BTBD3: variants seen among roughly 807,000 people sequenced by gnomAD.
BTBD3 encodes BTB/POZ domain-containing protein 3.
A neutral mutation model predicts 41.6 loss-of-function variants in BTBD3; 14 were observed. That is an observed-to-expected ratio of 0.34 (90% confidence interval 0.22 to 0.53). BTBD3 has a LOEUF of 0.53. Among genes scored for constraint, BTBD3 ranks in the 20% least tolerant of loss-of-function variants. The probability of loss-of-function intolerance (pLI) is 0.95; values close to 1 mark genes in which losing one functional copy is unlikely to be tolerated. For missense variants in BTBD3, 426 were observed against 654.7 expected, an observed-to-expected ratio of 0.65 and a Z score of 3.81; for synonymous variants, 249 against 233.7, an observed-to-expected ratio of 1.07 and a Z score of -0.60.
chr20:11,918,214 C>CT lies in BTBD3; in HGVS notation c.-58dup. On this transcript the variant is annotated 5_prime_UTR_variant, in exon 1 of 4. Transcript: ENST00000378226. ...TTAACCTCTTAGCCCGGGCTAATCTCTTTTCCTTGATGTTCAAACCAATTT... is the reference window on the plus strand; with the variant it reads ...TTAACCTCTTAGCCCGGGCTAATCTCTTTTTCCTTGATGTTCAAACCAATTT... 6.6e-7 allele frequency: 1 copy of CT among 1,506,336 alleles called. No homozygotes were observed. The highest frequency in any genetic ancestry group is 8.8e-7 in the Non-Finnish European group (1 of 1,137,536). 93.3% of individuals were successfully genotyped at this position (1,506,336 alleles called of 1,614,324 possible).
upstream of BTBD3, among the ~76,000 whole-genome samples, chr20:11,915,469 G>C (rs926220569): frequency 4.6e-5 from 7 of 152,154 alleles, no homozygotes; most frequent in African/African-American, 1.7e-4. Flanking sequence ...ACATCTAGTA[G>C]TCAGTAGTTA....
chr20:11,913,409 TG>T (rs1311936422), upstream of BTBD3: 1 of 72,484 alleles, frequency 1.4e-5, no homozygotes, highest in Non-Finnish European at 3.5e-5. Context: ...TTGCCTGTAG[TG>T]TGCCCCTACA....
intron 1 of BTBD3, among the ~76,000 whole-genome samples, chr20:11,893,864 T>C (rs1395689664): frequency 6.6e-6 from 1 of 152,260 alleles, no homozygotes; most frequent in Non-Finnish European, 1.5e-5. Flanking sequence ...TTTAATTTTA[T>C]CTGTAGTTTT....
Position 11,917,893 on chromosome 20 carries a change from A to G in BTBD3, c.-383A>G. The G allele has an allele frequency of 9.9e-7, 1 of 1,009,394 alleles. No individual in the cohort carries two copies. Among genetic ancestry groups the G allele is most frequent in the African/African-American group, 1.7e-5 (1 of 57,794 alleles). 62.5% of individuals were successfully genotyped at this position (1,009,394 alleles called of 1,614,324 possible). ...ATACCTACTCTCCTCCGATCCATTC[A>G]CCACACAACTTCAGCCGGCTGAACA... On this transcript the variant is annotated 5_prime_UTR_variant, in exon 1 of 4. Coordinates refer to ENST00000378226, the MANE Select transcript of BTBD3 (RefSeq NM_014962.4).
intron 1 of BTBD3, among the ~76,000 whole-genome samples, chr20:11,894,189 A>AG (rs1245780252): frequency 6.6e-6 from 1 of 152,280 alleles, no homozygotes; most frequent in Non-Finnish European, 1.5e-5. Flanking sequence ...GAAGGCCAGC[A>AG]GGGTCGACCA....
intron 1 of BTBD3, among the ~76,000 whole-genome samples, chr20:11,912,025 C>T (rs2056892451): frequency 6.6e-6 from 1 of 152,074 alleles, no homozygotes; most frequent in African/African-American, 2.4e-5. Flanking sequence ...TTCCTCCCCA[C>T]CCCCCGCTCA....
intron 1 of BTBD3, among the ~76,000 whole-genome samples, chr20:11,900,788 A>G (rs2056819444): frequency 6.6e-6 from 1 of 150,846 alleles, no homozygotes. Flanking sequence ...ACTCACTGCA[A>G]GCTCTGCCTT....
chr20:11,906,937 CT>C (rs1372911577), intron 1 of BTBD3, among the ~76,000 whole-genome samples: 1 of 151,980 alleles, frequency 6.6e-6, no homozygotes, highest in East Asian at 1.9e-4. Context: ...TTTAATTATC[CT>C]TTTTTTTGGA....
At chr20:11,903,509 A>AT (rs1479302053) in intron 1 of BTBD3, among the ~76,000 whole-genome samples, 1 of 152,092 alleles carries the variant, frequency 6.6e-6, no homozygotes, top group Admixed American at 6.6e-5. Context: ...AATTAATATG[A>AT]TTTTGCACCC....
At chr20:11,897,805 C>A (rs561779966) in intron 1 of BTBD3, among the ~76,000 whole-genome samples, 1 of 152,250 alleles carries the variant, frequency 6.6e-6, no homozygotes, top group South Asian at 2.1e-4. Context: ...TGCTTAAAAC[C>A]CTCCAGTGGC....
intron 1 of BTBD3, among the ~76,000 whole-genome samples, chr20:11,896,499 A>G (rs1418548619): frequency 6.6e-6 from 1 of 152,234 alleles, no homozygotes; most frequent in Non-Finnish European, 1.5e-5. Context: ...CTGTAACGTT[A>G]TAACATCTTT....
intron 1 of BTBD3, among the ~76,000 whole-genome samples, chr20:11,898,421 C>G (rs955587500): frequency 8.5e-5 from 13 of 152,300 alleles, no homozygotes; most frequent in African/African-American, 2.9e-4. Flanking sequence ...TGCGATTACT[C>G]TAGTTACAAT....
intron 1 of BTBD3, chr20:11,891,003 C>T (rs1017588984): frequency 1.0e-6 from 1 of 977,442 alleles, no homozygotes; most frequent in East Asian, 1.2e-4. Flanking sequence ...CGCGCGTGCG[C>T]AGCGCGGGAC....
chr20:11,904,555 A>G (rs945590011), intron 1 of BTBD3, among the ~76,000 whole-genome samples: 2 of 152,150 alleles, frequency 1.3e-5, no homozygotes, highest in African/African-American at 4.8e-5. Flanking sequence ...AGCTTTTCTC[A>G]TACGTTTTGG....
chr20:11,914,400 G>A (rs2056906015), upstream of BTBD3, among the ~76,000 whole-genome samples: 2 of 151,740 alleles, frequency 1.3e-5, no homozygotes, highest in African/African-American at 4.8e-5. Context: ...TTGTATTTTG[G>A]GTTGCAATTA....
intron 1 of BTBD3, chr20:11,891,177 A>G (rs1228953876): frequency 7.6e-4 from 109 of 143,932 alleles, no homozygotes; most frequent in East Asian, 5.0e-3. Flanking sequence ...TGGCTTTCCG[A>G]GGGGGGGGGG....
intron 1 of BTBD3, chr20:11,918,848 C>A (rs1202824344): frequency 5.3e-6 from 3 of 565,006 alleles, no homozygotes; most frequent in East Asian, 3.0e-5. Context: ...AAAATGGGAA[C>A]CTTTTATTTG....
intron 1 of BTBD3, among the ~76,000 whole-genome samples, chr20:11,904,429 A>T (rs2056841617): frequency 6.6e-6 from 1 of 152,172 alleles, no homozygotes; most frequent in African/African-American, 2.4e-5. Flanking sequence ...AACATTGGGG[A>T]TTACAATTCA....
In BTBD3 at chr20:11,925,663, A is replaced by G. The variant is rs1451927127; in HGVS notation, c.*1997A>G. On this transcript the variant is annotated 3_prime_UTR_variant, in exon 4 of 4. Coordinates refer to ENST00000378226, the MANE Select transcript of BTBD3 (RefSeq NM_014962.4). ...TTTGGTTTTTAAATTATGGTTACAC[A>G]TTTCAGTAACTCATAGCTGCTGTGC... The G allele has an allele frequency of 6.6e-6, 1 of 152,660 alleles. No homozygotes were observed. Among genetic ancestry groups the G allele is most frequent in the African/African-American group, 2.4e-5 (1 of 41,474 alleles). The allele number at this position is 152,660 out of a possible 1,614,324, so 9.5% of individuals were successfully genotyped here.
Sources: allele counts gnomAD v4.1 joint callset (sites outside exome capture counted in the v4.1 genomes callset), GRCh38; gene constraint gnomAD v4.1.1; transcripts MANE v1.5; gene names NCBI Gene and HGNC (gene_info 2026-07-23, HGNC 2026-07-21).